INPP4B: variants seen among roughly 807,000 people sequenced by gnomAD.
INPP4B encodes inositol polyphosphate 4-phosphatase type II.
Under a neutral mutation model 122.5 loss-of-function variants are expected in INPP4B, and 55 were observed. The ratio of observed to expected loss-of-function variants is 0.45; its 90% CI spans 0.36 to 0.56. INPP4B has a LOEUF of 0.56. Ranked by LOEUF, INPP4B falls within the 20% of genes least tolerant of loss-of-function variation. The pLI, the probability that INPP4B is intolerant of heterozygous loss-of-function variation, is 0.00. For missense variants in INPP4B, 1,000 were observed against 1,097.7 expected, an observed-to-expected ratio of 0.91 and a Z score of 1.26; for synonymous variants, 403 against 388.7, an observed-to-expected ratio of 1.04 and a Z score of -0.43.
chr4:142,761,183 T>C (rs1335929249), intron 1 of INPP4B, among the ~76,000 whole-genome samples: 1 of 151,904 alleles, frequency 6.6e-6, no homozygotes, highest in Non-Finnish European at 1.5e-5. Context: ...TTTTTTTTTT[T>C]TGCTTTTTGC....
chr4:142,128,263 TACAC>T (rs1274388199), intron 18 of INPP4B, among the ~76,000 whole-genome samples: 1 of 151,630 alleles, frequency 6.6e-6, no homozygotes, highest in Non-Finnish European at 1.5e-5. Flanking sequence ...CACACACACA[TACAC>T]ACAATCTTAG....
chr4:142,436,026 G>A (rs965821375), intron 3 of INPP4B, among the ~76,000 whole-genome samples: 11 of 152,312 alleles, frequency 7.2e-5, no homozygotes, highest in South Asian at 2.1e-4. Context: ...GGGGAAGGGC[G>A]GCAGCTATCA....
chr4:142,443,367 AG>A (rs1812235564), intron 3 of INPP4B, among the ~76,000 whole-genome samples: 2 of 152,172 alleles, frequency 1.3e-5, no homozygotes, highest in African/African-American at 4.8e-5. Context: ...TTGCAGGAAA[AG>A]TACAAAGACC....
intron 12 of INPP4B, among the ~76,000 whole-genome samples, chr4:142,215,765 C>T (rs1009823609): frequency 5.3e-5 from 8 of 151,178 alleles, no homozygotes; most frequent in Admixed American, 3.3e-4. Flanking sequence ...TGGTGGTGGG[C>T]GCCTGTAGTC....
intron 7 of INPP4B, among the ~76,000 whole-genome samples, chr4:142,374,093 C>T (rs1353624): frequency 0.21 from 31,408 of 151,592 alleles, 4,209 homozygotes; most frequent in East Asian, 0.44. Flanking sequence ...TGTTTGAACA[C>T]GTTTGTAGAT....
chr4:142,030,216 T>TAGA lies in INPP4B; in HGVS notation c.2643-1305_2643-1303dup, dbSNP rs1326982336. Reference sequence around the variant, plus strand: ...GCTGACAAGCAGCAAGGCGACAGGATAGAAGTGTCGAGAAGTTGGCTTGTT... The same window carrying TAGA: ...GCTGACAAGCAGCAAGGCGACAGGATAGAAGAAGTGTCGAGAAGTTGGCTTGTT... On this transcript the variant is annotated intron_variant, in intron 25 of 25. Transcript: ENST00000262992. The TAGA allele has an allele frequency of 2.0e-6, 3 of 1,535,358 alleles. No individual in the cohort carries two copies. The African/African-American group carries it at 4.1e-5, about 21-fold the overall frequency.
chr4:142,395,643 T>A (rs761230162), intron 7 of INPP4B, among the ~76,000 whole-genome samples: 1 of 152,098 alleles, frequency 6.6e-6, no homozygotes, highest in Non-Finnish European at 1.5e-5. Flanking sequence ...ATGGCCAAGA[T>A]GTGGAGACAA....
intron 1 of INPP4B, among the ~76,000 whole-genome samples, chr4:142,807,705 A>C (rs549881722): frequency 2.6e-5 from 4 of 152,294 alleles, no homozygotes; most frequent in Admixed American, 6.5e-5. Context: ...AGCAACATGC[A>C]CAGTAAATTA....
chr4:142,401,131 C>G (rs1047858930), intron 7 of INPP4B, among the ~76,000 whole-genome samples: 9 of 152,092 alleles, frequency 5.9e-5, no homozygotes, highest in East Asian at 3.9e-4. Context: ...TTCCTTTTGT[C>G]CTGATCATTT....
Position 142,185,404 on chromosome 4 carries a change from A to G in INPP4B, c.1181+7683T>C, listed in dbSNP as rs532751307. Among the ~76,000 whole-genome samples, 472 of 151,144 alleles carry G rather than the reference A, an allele frequency of 3.1e-3. 2 individuals are homozygous for G. Among genetic ancestry groups the G allele is most frequent in the African/African-American group, 0.01 (430 of 41,116 alleles). On this transcript the variant is annotated intron_variant, in intron 15 of 25. Transcript: ENST00000262992. Reference sequence around the variant, plus strand: ...TATATGTGTATGTGTGTGTGTATATATATATATATATATATCTCATCAGCC... The same window carrying G: ...TATATGTGTATGTGTGTGTGTATATGTATATATATATATATCTCATCAGCC...
At chr4:142,347,223 T>C (rs1483111554) in intron 7 of INPP4B, among the ~76,000 whole-genome samples, 2 of 152,070 alleles carry the variant, frequency 1.3e-5, no homozygotes, top group Non-Finnish European at 2.9e-5. Flanking sequence ...AAATAAAAGA[T>C]GATGTCAACC....
At chr4:142,659,710 A>G (rs1260884653) in intron 2 of INPP4B, among the ~76,000 whole-genome samples, 1 of 152,172 alleles carries the variant, frequency 6.6e-6, no homozygotes, top group Non-Finnish European at 1.5e-5. Flanking sequence ...AGTAAAACCA[A>G]GGGAGCTAAC....
chr4:142,514,737 A>T (rs558939445), intron 2 of INPP4B: 2 of 151,544 alleles, frequency 1.3e-5, no homozygotes, highest in Non-Finnish European at 2.9e-5. Context: ...ATAAATTAAT[A>T]GTAAGAGTGA....
At chr4:142,046,424 C>G (rs904076234) in intron 25 of INPP4B, among the ~76,000 whole-genome samples, 2 of 151,960 alleles carry the variant, frequency 1.3e-5, no homozygotes, top group Admixed American at 1.3e-4. Context: ...ATGGGCATCT[C>G]CAAGGGTTCT....
At chr4:142,109,836 T>G (rs547335408) in intron 22 of INPP4B, among the ~76,000 whole-genome samples, 18 of 152,262 alleles carry the variant, frequency 1.2e-4, no homozygotes, top group Non-Finnish European at 2.5e-4. Context: ...GGAAGCCGAT[T>G]CCACGCTTCT....
intron 5 of INPP4B, among the ~76,000 whole-genome samples, chr4:142,416,220 T>C (rs1195306146): frequency 6.6e-6 from 1 of 152,096 alleles, no homozygotes; most frequent in Non-Finnish European, 1.5e-5. Context: ...GGGCCTGGAA[T>C]GTTGTCTTGA....
chr4:142,757,549 T>G (rs953858691), intron 1 of INPP4B, among the ~76,000 whole-genome samples: 2 of 152,170 alleles, frequency 1.3e-5, no homozygotes, highest in African/African-American at 2.4e-5. Flanking sequence ...AACCTTTTCA[T>G]GTTGGCTTCT....
chr4:142,786,858 A>T (rs1255637881), intron 1 of INPP4B, among the ~76,000 whole-genome samples: 1 of 152,132 alleles, frequency 6.6e-6, no homozygotes, highest in African/African-American at 2.4e-5. Context: ...AATTGTCAAA[A>T]ATTTAAAGAG....
chr4:142,115,928 A>G (rs1317476999), intron 21 of INPP4B, among the ~76,000 whole-genome samples: 1 of 152,142 alleles, frequency 6.6e-6, no homozygotes, highest in Non-Finnish European at 1.5e-5. Context: ...TCTCACATGC[A>G]GAGACACACA....
Sources: allele counts gnomAD v4.1 joint callset (sites outside exome capture counted in the v4.1 genomes callset), GRCh38; gene constraint gnomAD v4.1.1; transcripts MANE v1.5; gene names NCBI Gene and HGNC (gene_info 2026-07-23, HGNC 2026-07-21).